RBM27: variants seen among roughly 807,000 people sequenced by gnomAD.
RBM27 encodes RNA binding motif protein 27.
In RBM27, 22 loss-of-function variants were observed where a neutral mutation model predicts 135.3. The ratio of observed to expected loss-of-function variants is 0.16; its 90% confidence interval spans 0.12 to 0.23. The LOEUF is 0.23. Among genes scored for constraint, RBM27 ranks in the 10% least tolerant of loss-of-function variants. The pLI, the probability that RBM27 is intolerant of heterozygous loss-of-function variation, is 1.00. For synonymous variants in RBM27, 481 were observed against 442.4 expected, an observed-to-expected ratio of 1.09 and a Z score of -1.10; for missense variants, 1,009 against 1,281.0, an observed-to-expected ratio of 0.79 and a Z score of 3.24.
chr5:146,275,931 A>G (rs569502181), intron 19 of RBM27, among the ~76,000 whole-genome samples: 1 of 152,326 alleles, frequency 6.6e-6, no homozygotes, highest in East Asian at 1.9e-4. Flanking sequence ...GGATTGATCA[A>G]TTCAGAAATT....
At chr5:146,235,768 C>T (rs1460070955) in intron 7 of RBM27, among the ~76,000 whole-genome samples, 1 of 151,920 alleles carries the variant, frequency 6.6e-6, no homozygotes, top group African/African-American at 2.4e-5. Context: ...CTCACTGCAA[C>T]CTCCGCCTCC....
At chr5:146,281,982 C>A (rs1403471710) in intron 19 of RBM27, among the ~76,000 whole-genome samples, 2 of 150,086 alleles carry the variant, frequency 1.3e-5, no homozygotes, top group Non-Finnish European at 3.0e-5. Context: ...TATCAATATA[C>A]CACAGTTTAT....
intron 10 of RBM27, among the ~76,000 whole-genome samples, chr5:146,256,097 C>A (rs1758088886): frequency 6.6e-6 from 1 of 151,296 alleles, no homozygotes; most frequent in Admixed American, 6.6e-5. Context: ...CTGAGGTTAT[C>A]CACCTACCTT....
intron 8 of RBM27, among the ~76,000 whole-genome samples, chr5:146,239,186 C>G (rs561991332): frequency 1.3e-5 from 2 of 152,146 alleles, no homozygotes; most frequent in Non-Finnish European, 2.9e-5. Context: ...TCTGGTTAAT[C>G]AAAAATTCTT....
At chr5:146,215,386 A>G (rs969197644) in intron 1 of RBM27, among the ~76,000 whole-genome samples, 3 of 152,190 alleles carry the variant, frequency 2.0e-5, no homozygotes, top group Non-Finnish European at 2.9e-5. Context: ...CAGTTATCCA[A>G]TATCTGAATG....
intron 2 of RBM27, among the ~76,000 whole-genome samples, chr5:146,220,474 CAA>C (rs55722840): frequency 1.4e-3 from 160 of 115,350 alleles, no homozygotes; most frequent in South Asian, 1.0e-2. Flanking sequence ...GAGTCCATCT[CAA>C]AAAAAAAAAA....
intron 1 of RBM27, among the ~76,000 whole-genome samples, chr5:146,210,122 G>A (rs927266827): frequency 1.3e-5 from 2 of 152,256 alleles, no homozygotes; most frequent in South Asian, 4.1e-4. Flanking sequence ...GGCCATGGGC[G>A]TGCAGGGCAA....
chr5:146,271,122 C>A (rs901376633), intron 18 of RBM27, 64 bp downstream of exon 18: 4 of 1,266,416 alleles, frequency 3.2e-6, no homozygotes, highest in African/African-American at 3.0e-5. Context: ...TTCCTTTGAC[C>A]GGGCGCGGTG....
At chr5:146,269,119 A>T (rs1179533895) in intron 15 of RBM27, 88 bp from the exon 16 acceptor site, 4 of 793,650 alleles carry the variant, frequency 5.0e-6, no homozygotes. Context: ...TTAGGAGGAC[A>T]GTCTGTCTCA....
intron 1 of RBM27, among the ~76,000 whole-genome samples, chr5:146,207,510 G>T (rs2126665990): frequency 6.6e-6 from 1 of 152,112 alleles, no homozygotes; most frequent in South Asian, 2.1e-4. Flanking sequence ...ACTGCGCCCA[G>T]CCTGTGTGCA....
chr5:146,278,200 C>T (rs781471465), intron 19 of RBM27, among the ~76,000 whole-genome samples: 2 of 152,160 alleles, frequency 1.3e-5, no homozygotes, highest in South Asian at 2.1e-4. Context: ...ATAGATTGGG[C>T]GTCAGTTTCT....
chr5:146,203,609 C>A lies in RBM27; in HGVS notation c.-157C>A. ...TTGAGTGAGGGCTCTTGGGTTAGTT[C>A]CTGTTAGGCCCCGGCCGGGGGAGTA... On this transcript the variant is annotated 5_prime_UTR_variant, in exon 1 of 21. Coordinates refer to ENST00000265271, the MANE Select transcript of RBM27 (RefSeq NM_018989.2). 2 of 654,162 alleles carry A rather than the reference C, an allele frequency of 3.1e-6. No homozygotes were observed. Among genetic ancestry groups the A allele is most frequent in the Non-Finnish European group, 5.3e-6 (2 of 376,342 alleles). 40.5% of individuals were successfully genotyped at this position (654,162 alleles called of 1,614,324 possible).
chr5:146,242,445 G>A (rs558248437), intron 8 of RBM27, among the ~76,000 whole-genome samples: 6 of 152,344 alleles, frequency 3.9e-5, no homozygotes, highest in Non-Finnish European at 7.3e-5. Flanking sequence ...GAACACTTCA[G>A]AAGTCTGCTA....
At chr5:146,284,862 A>G (rs913979782) in intron 20 of RBM27, 130 bp downstream of exon 20, 5 of 569,984 alleles carry the variant, frequency 8.8e-6, no homozygotes, top group African/African-American at 1.9e-5. Flanking sequence ...AGACCCGTTT[A>G]GATGTTTATT....
intron 1 of RBM27, among the ~76,000 whole-genome samples, chr5:146,204,212 G>C (rs530893856): frequency 6.6e-6 from 1 of 152,196 alleles, no homozygotes; most frequent in Non-Finnish European, 1.5e-5. Flanking sequence ...GGGAATAGCA[G>C]AATATCAAGG....
chr5:146,239,758 G>A (rs977754502), intron 8 of RBM27, among the ~76,000 whole-genome samples: 1 of 149,414 alleles, frequency 6.7e-6, no homozygotes, highest in African/African-American at 2.5e-5. Flanking sequence ...TTACAGGTGT[G>A]AGCCACCACG....
At chr5:146,274,178 T>G (rs890096027) in intron 19 of RBM27, among the ~76,000 whole-genome samples, 14 of 151,514 alleles carry the variant, frequency 9.2e-5, no homozygotes, top group African/African-American at 3.4e-4. Flanking sequence ...GTTAGTAGTA[T>G]TAGCATTTCT....
At position 146,262,233 on chromosome 5, in the gene RBM27, G is replaced by A. The variant is rs530215607; in HGVS notation, c.2190+427G>A. Among the ~76,000 whole-genome samples, 15 of 152,280 alleles carry A rather than the reference G, an allele frequency of 9.9e-5. No homozygotes were observed. In the South Asian group the frequency reaches 1.7e-3, roughly 17 times the overall value. On this transcript the variant is annotated intron_variant, in intron 13 of 20. Transcript: ENST00000265271. Reference sequence around the variant, plus strand: ...ACAAGTACTCTTAAGTTATTGTTATGCACCCTAAAGTATAATAACCATCTA... The same window carrying A: ...ACAAGTACTCTTAAGTTATTGTTATACACCCTAAAGTATAATAACCATCTA...
At chr5:146,238,193 A>G (rs1240353173) in intron 8 of RBM27, among the ~76,000 whole-genome samples, 1 of 152,200 alleles carries the variant, frequency 6.6e-6, no homozygotes, top group Non-Finnish European at 1.5e-5. Context: ...TGTTTGTGAC[A>G]TTCACATTTG....
Sources: allele counts gnomAD v4.1 joint callset (sites outside exome capture counted in the v4.1 genomes callset), GRCh38; gene constraint gnomAD v4.1.1; transcripts MANE v1.5; gene names NCBI Gene and HGNC (gene_info 2026-07-23, HGNC 2026-07-21).